The following USP12 variants were observed in gnomAD, a reference collection of about 807,000 sequenced individuals.
USP12 encodes ubiquitin specific peptidase 12.
Under a neutral mutation model 45.5 loss-of-function variants are expected in USP12, and 19 were observed. The observed-to-expected ratio is 0.42, with a 90% CI of 0.29 to 0.61. The LOEUF is 0.61. Ranked by LOEUF, USP12 falls within the 20% of genes least tolerant of loss-of-function variation. The pLI is 0.22. For synonymous variants in USP12, 149 were observed against 148.8 expected (o/e 1.00, Z -0.01); for missense variants, 242 against 447.7 (o/e 0.54, Z 4.15).
At chr13:27,108,643 A>G (rs1215364522) in intron 2 of USP12, among the ~76,000 whole-genome samples, 1 of 152,232 alleles carries the variant, frequency 6.6e-6, no homozygotes, top group Non-Finnish European at 1.5e-5. Flanking sequence ...CACCAACTAT[A>G]CAAAAATTCA....
At chr13:27,122,481 T>C (rs1876039856) in intron 1 of USP12, among the ~76,000 whole-genome samples, 1 of 150,404 alleles carries the variant, frequency 6.6e-6, no homozygotes, top group Non-Finnish European at 1.5e-5. Context: ...ATACACCCCA[T>C]CTTTACCGAA....
intron 6 of USP12, among the ~76,000 whole-genome samples, chr13:27,088,096 G>C (rs961628675): frequency 5.9e-5 from 9 of 152,190 alleles, no homozygotes; most frequent in African/African-American, 1.9e-4. Context: ...GTTCAGAAAA[G>C]GATTCACATG....
chr13:27,159,230 A>G (rs1271959071), intron 1 of USP12, among the ~76,000 whole-genome samples: 2 of 152,220 alleles, frequency 1.3e-5, no homozygotes, highest in Admixed American at 6.5e-5. Context: ...TTAAACCTGA[A>G]TAATTTAATT....
At chr13:27,114,981 T>G (rs1443630979) in intron 2 of USP12, among the ~76,000 whole-genome samples, 6 of 152,200 alleles carry the variant, frequency 3.9e-5, no homozygotes, top group Admixed American at 3.9e-4. Flanking sequence ...TTAACCACTC[T>G]ACTAGCTCTG....
At chr13:27,144,039 A>G (rs1267102415) in intron 1 of USP12, among the ~76,000 whole-genome samples, 1 of 152,124 alleles carries the variant, frequency 6.6e-6, no homozygotes, top group African/African-American at 2.4e-5. Flanking sequence ...CCCTGTCTCT[A>G]CTAAGACTAT....
At chr13:27,084,410 G>A (rs947764680) in intron 6 of USP12, among the ~76,000 whole-genome samples, 29 of 150,832 alleles carry the variant, frequency 1.9e-4, no homozygotes, top group Admixed American at 6.6e-5. Flanking sequence ...GGAGGCTGAG[G>A]CAGGAGAATC....
Position 27,139,809 on chromosome 13 carries a change from T to C in USP12, c.49-23213A>G, listed in dbSNP as rs575966272. On this transcript the variant is annotated intron_variant, in intron 1 of 8. Coordinates refer to ENST00000282344, the MANE Select transcript of USP12 (RefSeq NM_182488.4). ...TTTATTTTAAAAACATTTTCTTATATGGCTTATGTGTGCCAGGAACTATGC... is the reference window on the plus strand; with the variant it reads ...TTTATTTTAAAAACATTTTCTTATACGGCTTATGTGTGCCAGGAACTATGC... 3.9e-5 allele frequency among the ~76,000 whole-genome samples: 6 copies of C among 152,332 alleles called. No homozygotes were observed. In the East Asian group the frequency reaches 1.2e-3, roughly 29 times the overall value.
rs2137809615 is a variant in USP12 at position 27,129,822 on chromosome 13, T to TA, written c.49-13227dup. 6.6e-6 allele frequency among the ~76,000 whole-genome samples: 1 copy of TA among 152,316 alleles called. No individual in the cohort carries two copies. Among genetic ancestry groups the TA allele is most frequent in the Admixed American group, 6.5e-5 (1 of 15,308 alleles). On this transcript the variant is annotated intron_variant, in intron 1 of 8. Transcript: ENST00000282344. This position sits in a 1 kb window ranked among gnomAD's most constrained non-coding sequence, Gnocchi z 4.0. ...ACAACAAGAAAGCACCACTCTTTGA[T>TA]AAATGGTGGGGAAGTAGAAAAGAAC...
chr13:27,166,121 T>G (rs1348002328), intron 1 of USP12, among the ~76,000 whole-genome samples: 1 of 152,148 alleles, frequency 6.6e-6, no homozygotes, highest in African/African-American at 2.4e-5. Flanking sequence ...TAAGAAACTT[T>G]CCCATATATA....
chr13:27,125,519 C>T (rs1876187015), intron 1 of USP12, among the ~76,000 whole-genome samples: 1 of 152,162 alleles, frequency 6.6e-6, no homozygotes, highest in African/African-American at 2.4e-5. Flanking sequence ...CAGCTCCGGT[C>T]TACAGCTCCC....
intron 6 of USP12, among the ~76,000 whole-genome samples, chr13:27,080,496 A>G (rs898210814): frequency 6.6e-6 from 1 of 152,190 alleles, no homozygotes; most frequent in African/African-American, 2.4e-5. Context: ...CTGGCCATGC[A>G]TGGATCTTCT....
chr13:27,164,520 A>C (rs1878264733), intron 1 of USP12, among the ~76,000 whole-genome samples: 1 of 152,198 alleles, frequency 6.6e-6, no homozygotes, highest in Non-Finnish European at 1.5e-5. Flanking sequence ...CTCTACATTA[A>C]ATTTCTTATA....
In USP12 at chr13:27,155,066, C is replaced by CTTTTTTTTTT. The variant is rs71083634; in HGVS notation, c.48+16516_48+16525dup. 8.7e-5 allele frequency among the ~76,000 whole-genome samples: 5 copies of CTTTTTTTTTT among 57,656 alleles called. 1 individual carries two copies. Among genetic ancestry groups the CTTTTTTTTTT allele is most frequent in the African/African-American group, 4.1e-4 (5 of 12,142 alleles). 37.8% of individuals were successfully genotyped at this position (57,656 alleles called of 152,430 possible). ...TTTTTTTTTTTTCTGATGTCCACAACTTTTTTTTTTTTTTTTTTTTTTTTT... is the reference window on the plus strand; with the variant it reads ...TTTTTTTTTTTTCTGATGTCCACAACTTTTTTTTTTTTTTTTTTTTTTTTTTTTTTTTTTT... On this transcript the variant is annotated intron_variant, in intron 1 of 8. Transcript: ENST00000282344.
At chr13:27,070,564 T>C (rs947256950) in intron 8 of USP12, among the ~76,000 whole-genome samples, 2 of 152,006 alleles carry the variant, frequency 1.3e-5, no homozygotes, top group African/African-American at 4.8e-5. Flanking sequence ...ATTCTTTTTT[T>C]TTTTTTTGAG....
rs1462010597 is a variant in USP12 at position 27,066,967 on chromosome 13, A to T, written c.*2316T>A. ...ATTTTACTTAGATCCAGCTGCATTA[A>T]GAAGAAAAAGTAAATGTAAAACTGT... On this transcript the variant is annotated 3_prime_UTR_variant, in exon 9 of 9. Transcript: ENST00000282344. 1 of 152,214 alleles carries T rather than the reference A, an allele frequency of 6.6e-6. No individual in the cohort carries two copies. The highest frequency in any genetic ancestry group is 2.4e-5 in the African/African-American group (1 of 41,452). The allele number at this position is 152,214 out of a possible 1,614,324, so 9.4% of individuals were successfully genotyped here. A position where few individuals can be genotyped will look rare whatever the true frequency, so the allele number is the denominator to read the frequency against.
chr13:27,106,013 T>C, intron 2 of USP12, 69 bp from the exon 3 acceptor site: 1 of 1,357,034 alleles, frequency 7.4e-7, no homozygotes, highest in Non-Finnish European at 1.0e-6. Flanking sequence ...ATTCCCGGTA[T>C]ATGGTTGAGA....
intron 4 of USP12, 79 bp from the exon 5 acceptor site, chr13:27,090,237 T>C: frequency 1.7e-6 from 2 of 1,144,584 alleles, no homozygotes; most frequent in East Asian, 2.4e-5. Context: ...TTAAATGCCA[T>C]TCTATTATTA....
At chr13:27,083,774 T>C (rs1417883307) in intron 6 of USP12, among the ~76,000 whole-genome samples, 1 of 152,124 alleles carries the variant, frequency 6.6e-6, no homozygotes, top group Non-Finnish European at 1.5e-5. Context: ...ATTCATTTGA[T>C]CATAAAATAC....
At chr13:27,150,216 C>A (rs940931646) in intron 1 of USP12, among the ~76,000 whole-genome samples, 1 of 152,106 alleles carries the variant, frequency 6.6e-6, no homozygotes, top group Admixed American at 6.5e-5. Context: ...CAAATACATA[C>A]AATTATGTCA....
Sources: allele counts gnomAD v4.1 joint callset (sites outside exome capture counted in the v4.1 genomes callset), GRCh38; gene constraint gnomAD v4.1.1; non-coding constraint Gnocchi (gnomAD v3.1); transcripts MANE v1.5; gene names NCBI Gene and HGNC (gene_info 2026-07-23, HGNC 2026-07-21).